SUV39H2: variants seen among roughly 807,000 people sequenced by gnomAD.
SUV39H2 encodes the protein histone-lysine N-methyltransferase SUV39H2.
In SUV39H2, 10 loss-of-function variants were observed where a neutral mutation model predicts 47.5. The ratio of observed to expected loss-of-function variants is 0.21; its 90% CI spans 0.13 to 0.36. The LOEUF (loss-of-function observed/expected upper bound fraction) is 0.36, where lower values mean the gene tolerates loss of function less well. SUV39H2 is among the 10% of genes least tolerant of loss of function. The probability of loss-of-function intolerance (pLI) is 1.00; values close to 1 mark genes in which losing one functional copy is unlikely to be tolerated. For missense variants in SUV39H2, 266 were observed against 487.4 expected, an observed-to-expected ratio of 0.55 and a Z score of 4.28; for synonymous variants, 159 against 166.8, an observed-to-expected ratio of 0.95 and a Z score of 0.36.
chr10:14,892,126 G>A (rs947673115), intron 2 of SUV39H2, among the ~76,000 whole-genome samples: 1 of 152,172 alleles, frequency 6.6e-6, no homozygotes, highest in African/African-American at 2.4e-5. Flanking sequence ...AAATACAGAG[G>A]AGCAAGAAGG....
intron 2 of SUV39H2, among the ~76,000 whole-genome samples, chr10:14,894,751 A>G (rs1833511638): frequency 6.6e-6 from 1 of 152,216 alleles, no homozygotes; most frequent in Non-Finnish European, 1.5e-5. Context: ...GTGGGGATAA[A>G]ATAAGCCCAC....
chr10:14,899,190 A>G (rs1400446825), intron 3 of SUV39H2: 4 of 701,962 alleles, frequency 5.7e-6, no homozygotes, highest in Non-Finnish European at 1.0e-5. Flanking sequence ...GCATGGCGGT[A>G]TGCACCTGTG....
chr10:14,879,673 C>T (rs1832983808), intron 1 of SUV39H2: 1 of 152,122 alleles, frequency 6.6e-6, no homozygotes, highest in Admixed American at 6.5e-5. Flanking sequence ...GAGCCTGGAA[C>T]TTTTCCGTGC....
At chr10:14,880,509 G>C (rs1044303990) in intron 1 of SUV39H2, among the ~76,000 whole-genome samples, 5 of 152,198 alleles carry the variant, frequency 3.3e-5, no homozygotes, top group Non-Finnish European at 7.3e-5. Flanking sequence ...AAAAGATTGA[G>C]ACCTCACTAA....
intron 4 of SUV39H2, 84 bp downstream of exon 4, chr10:14,899,769 A>T: frequency 6.8e-7 from 1 of 1,477,088 alleles, no homozygotes. Flanking sequence ...ATTCCCTTTA[A>T]ACTACATATC....
At chr10:14,902,364 C>A in intron 5 of SUV39H2, 42 bp from the exon 6 acceptor site, 1 of 1,365,338 alleles carries the variant, frequency 7.3e-7, no homozygotes, top group Non-Finnish European at 1.0e-6. Context: ...TCTAAATTGT[C>A]TTAACTCTCT....
At position 14,879,145 on chromosome 10, in the gene SUV39H2, C is replaced by T. The variant is rs1014111967; in HGVS notation, c.31+226C>T. 24 of 1,226,282 alleles carry T rather than the reference C, an allele frequency of 2.0e-5. 1 individual carries two copies. In the African/African-American group the frequency reaches 2.7e-4, roughly 14 times the overall value. 76.0% of individuals were successfully genotyped at this position (1,226,282 alleles called of 1,614,324 possible). A position where few individuals can be genotyped will look rare whatever the true frequency, so the allele number is the denominator to read the frequency against. ...CCGCGGAGGTGGGCACTGTCCGAGC[C>T]TGGGGCACTTCGGAAGTGGAGCGTG... On this transcript the variant is annotated intron_variant, in intron 1 of 5. Transcript: ENST00000354919.
intron 2 of SUV39H2, among the ~76,000 whole-genome samples, chr10:14,890,093 A>G (rs1336876646): frequency 1.3e-5 from 2 of 152,214 alleles, no homozygotes; most frequent in East Asian, 1.9e-4. Context: ...CAAATTAATG[A>G]TAGTCCACAT....
Position 14,897,316 on chromosome 10 carries a change from A to G in SUV39H2, c.648A>G (p.Gln216=), listed in dbSNP as rs1371338113. 6.2e-7 allele frequency: 1 copy of G among 1,613,238 alleles called. No homozygotes were observed. The highest frequency in any genetic ancestry group is 1.1e-5 in the South Asian group (1 of 91,036). The change falls in exon 3 of 6, where the codon CAA becomes CAG. Residue 216 remains glutamine (Q), a synonymous_variant. Coordinates refer to ENST00000354919, the MANE Select transcript of SUV39H2 (RefSeq NM_001193424.2). Reference sequence around the variant, plus strand: ...TTCTTTTGGCTTATAATAAAAACCAACAAATTAAAATCCCACCTGGTACTC... The same window carrying G: ...TTCTTTTGGCTTATAATAAAAACCAGCAAATTAAAATCCCACCTGGTACTC... ...AGVLLAYNKN[Q]QIKIPPGTPI...
At chr10:14,892,248 T>C (rs1833412419) in intron 2 of SUV39H2, among the ~76,000 whole-genome samples, 1 of 152,200 alleles carries the variant, frequency 6.6e-6, no homozygotes, top group Non-Finnish European at 1.5e-5. Context: ...TGTTCCTAAC[T>C]AACAAGATGG....
At chr10:14,898,473 T>C (rs1318944241) in intron 3 of SUV39H2, 1 of 152,130 alleles carries the variant, frequency 6.6e-6, no homozygotes, top group Non-Finnish European at 1.5e-5. Flanking sequence ...CCTATAATTA[T>C]CTGTATTCAT....
chr10:14,890,958 C>A (rs1350117526), intron 2 of SUV39H2, among the ~76,000 whole-genome samples: 1 of 152,062 alleles, frequency 6.6e-6, no homozygotes. Flanking sequence ...TTTTGTTATA[C>A]ATTCAGAAAC....
chr10:14,879,763 T>G (rs532278557), intron 1 of SUV39H2: 1 of 152,188 alleles, frequency 6.6e-6, no homozygotes, highest in Non-Finnish European at 1.5e-5. Context: ...ATTTTTCTCC[T>G]TGGAGAATGT....
rs58522342 is a variant in SUV39H2 at position 14,883,704 on chromosome 10, C to CAAAAAAAAAAAAAA, written c.177+2074_177+2087dup. Among the ~76,000 whole-genome samples, 11 of 50,056 alleles carry CAAAAAAAAAAAAAA rather than the reference C, an allele frequency of 2.2e-4. 1 individual carries two copies. Among genetic ancestry groups the CAAAAAAAAAAAAAA allele is most frequent in the Non-Finnish European group, 2.7e-4 (5 of 18,378 alleles). 32.8% of individuals were successfully genotyped at this position (50,056 alleles called of 152,430 possible). On this transcript the variant is annotated intron_variant, in intron 2 of 5. Transcript: ENST00000354919. ...TGGGCAACAGAGCGAGACTCAGTCT[C>CAAAAAAAAAAAAAA]AAAAAAAAAAAAAAAAAAAAAAAAA... is the stretch of plus-strand genomic sequence containing the variant.
chr10:14,878,970 C>A, intron 1 of SUV39H2, 51 bp downstream of exon 1: 7 of 1,385,010 alleles, frequency 5.1e-6, no homozygotes, highest in South Asian at 1.7e-5. Context: ...GGCAAGCTCC[C>A]AAGGCCCGGG....
Position 14,878,916 on chromosome 10 carries a change from G to A in SUV39H2, c.28G>A (p.Gly10Arg), listed in dbSNP as rs1034679909. The A allele has an allele frequency of 2.0e-6, 3 of 1,479,260 alleles. No individual in the cohort carries two copies. The highest frequency in any genetic ancestry group is 1.3e-5 in the South Asian group (1 of 74,090). 91.6% of individuals were successfully genotyped at this position (1,479,260 alleles called of 1,614,324 possible). Residue 10 changes from glycine to arginine, a missense_variant, in exon 1 of 6, where the codon GGA (glycine) becomes AGA (arginine). Coordinates refer to ENST00000354919, the MANE Select transcript of SUV39H2 (RefSeq NM_001193424.2). Reference sequence around the variant, plus strand: ...GGCGGCGGTCGGGGCCGAGGCGCGAGGAGGTGAGGCTGGAGCGCGGCCCCC... The same window carrying A: ...GGCGGCGGTCGGGGCCGAGGCGCGAAGAGGTGAGGCTGGAGCGCGGCCCCC... MAAVGAEAR[G>R]AWCVPCLVSL...
At chr10:14,889,920 A>G (rs1833334299) in intron 2 of SUV39H2, among the ~76,000 whole-genome samples, 1 of 152,174 alleles carries the variant, frequency 6.6e-6, no homozygotes, top group South Asian at 2.1e-4. Context: ...TGACAAAACT[A>G]TGGGTATTTA....
chr10:14,879,373 T>G (rs897590086), intron 1 of SUV39H2, among the ~76,000 whole-genome samples: 1 of 152,176 alleles, frequency 6.6e-6, no homozygotes, highest in African/African-American at 2.4e-5. Context: ...GGCGTGAACA[T>G]GACCTTAATA....
At chr10:14,887,823 G>A (rs1833261640) in intron 2 of SUV39H2, among the ~76,000 whole-genome samples, 1 of 152,226 alleles carries the variant, frequency 6.6e-6, no homozygotes, top group Admixed American at 6.5e-5. Flanking sequence ...TGATGTGACA[G>A]AAAGATCTCA....
Sources: gnomAD v4.1 joint callset for allele counts (sites outside exome capture counted in the v4.1 genomes callset) on GRCh38, gnomAD v4.1.1 for gene constraint, MANE v1.5 for transcripts, NCBI Gene and HGNC (gene_info 2026-07-23, HGNC 2026-07-21) for gene names.